TTN: variants seen among roughly 807,000 people sequenced by gnomAD.
TTN encodes the protein titin.
A neutral mutation model predicts 3,223.0 loss-of-function variants in TTN; 1,525 were observed. That is an observed-to-expected ratio of 0.47 (90% CI 0.45 to 0.49). The LOEUF is 0.49. TTN is among the 20% of genes least tolerant of loss of function. The probability of loss-of-function intolerance (pLI) is 0.00; values close to 1 mark genes in which losing one functional copy is unlikely to be tolerated. For synonymous variants in TTN, 14,094 were observed against 15,161.0 expected (o/e 0.93, Z 5.17); for missense variants, 40,786 against 43,424.0 (o/e 0.94, Z 5.40).
rs939920252 is a variant in TTN at position 178,526,667 on chromosome 2, A to C, written c.*345T>G. 5.4e-5 allele frequency: 10 copies of C among 184,060 alleles called. No homozygotes were observed. Among genetic ancestry groups the C allele is most frequent in the Non-Finnish European group, 2.3e-5 (2 of 87,608 alleles). The allele number at this position is 184,060 out of a possible 1,614,324, so 11.4% of individuals were successfully genotyped here. On this transcript the variant is annotated 3_prime_UTR_variant, in exon 363 of 363. Transcript: ENST00000589042. ...ACATCAACAGTATGTTGAGGCACAA[A>C]GATTGATTAAATGTTGAGCAGGGTA... is the stretch of plus-strand genomic sequence containing the variant.
intron 313 of TTN, 140 bp downstream of exon 313, chr2:178,582,800 G>C: frequency 1.1e-6 from 1 of 920,490 alleles, no homozygotes. Flanking sequence ...TCTAAAACGT[G>C]GTTCTGTCAT....
chr2:178,601,873 T>G lies in TTN; in HGVS notation c.55302+9A>C. 1 of 1,608,752 alleles carries G rather than the reference T, an allele frequency of 6.2e-7. No individual in the cohort carries two copies. The highest frequency in any genetic ancestry group is 8.5e-7 in the Non-Finnish European group (1 of 1,178,186). On this transcript the variant is annotated intron_variant, in intron 285 of 362. Coordinates refer to ENST00000589042, the MANE Select transcript of TTN (RefSeq NM_001267550.2). Reference sequence around the variant, plus strand: ...ATATTCTGAATTATTTTAATTATTATTTTTTTACCTGTGCATCTTCGGGTA... The same window carrying G: ...ATATTCTGAATTATTTTAATTATTAGTTTTTTACCTGTGCATCTTCGGGTA...
chr2:178,570,828 C>T lies in TTN; in HGVS notation c.75304G>A (p.Ala25102Thr). ...CGTGGTGGATCTACCTCATCTCTAG[C>T]TGTTATTGCTCCTGTGCTTTCTGAA... The part of the protein sequence containing the change: ...EPSESTGAIT[A>T]RDEVDPPRIS... The change falls in exon 326 of 363, where the codon GCT (alanine) becomes ACT (threonine). Residue 25102 changes from alanine (A) to threonine (T), a missense_variant. Ala to Thr is a moderately conservative substitution (Grantham distance 58, BLOSUM62 0). Transcript: ENST00000589042. The T allele has an allele frequency of 6.2e-7, 1 of 1,613,570 alleles. No homozygotes were observed. The highest frequency in any genetic ancestry group is 8.5e-7 in the Non-Finnish European group (1 of 1,179,624).
rs576976296 is a variant in TTN at position 178,573,348 on chromosome 2, G to A, written c.72784C>T (p.Arg24262Cys). The A allele has an allele frequency of 4.6e-6, 7 of 1,536,368 alleles. No individual in the cohort carries two copies. Among genetic ancestry groups the A allele is most frequent in the South Asian group, 1.3e-5 (1 of 76,928 alleles). The change falls in exon 326 of 363, where the codon CGT becomes TGT. Residue 24262 changes from arginine to cysteine, a missense_variant. By Grantham distance (180) the Arg-to-Cys change is radical. Coordinates refer to ENST00000589042, the MANE Select transcript of TTN (RefSeq NM_001267550.2). ...ATCCAGCGTTGGCCAGCTTTATCACGCCGTTCCACAATATAATTGATGATT... is the reference window on the plus strand; with the variant it reads ...ATCCAGCGTTGGCCAGCTTTATCACACCGTTCCACAATATAATTGATGATT... ...SEIINYIVER[R>C]DKAGQRWIKC... is the part of the protein sequence containing the mutation.
intron 10 of TTN, 150 bp from the exon 11 acceptor site, chr2:178,790,995 A>G (rs1316586874): frequency 1.3e-5 from 12 of 956,168 alleles, no homozygotes; most frequent in East Asian, 2.6e-5. Context: ...CTTGTGCTTA[A>G]TACATAGACT....
In TTN at chr2:178,607,742, A is replaced by C. The variant is rs752356363; in HGVS notation, c.53002+43T>G. 18 of 1,612,076 alleles carry C rather than the reference A, an allele frequency of 1.1e-5. No individual in the cohort carries two copies. The East Asian group carries it at 4.0e-4, about 36-fold the overall frequency. The stretch of plus-strand genomic sequence containing the variant: ...ATGAAAGATTAAAAAATAGTCCCAT[A>C]TAGAGAAAATATCCATAATTTTATT... On this transcript the variant is annotated intron_variant, in intron 276 of 362. Transcript: ENST00000589042.
Position 178,559,495 on chromosome 2 carries a change from A to T in TTN, c.86637T>A (p.Asn28879Lys), listed in dbSNP as rs1114167328. The T allele has an allele frequency of 6.2e-7, 1 of 1,613,746 alleles. No individual in the cohort carries two copies. The change falls in exon 326 of 363, where the codon AAT becomes AAA. Residue 28879 changes from asparagine to lysine, a missense_variant. By Grantham distance (94) the Asn-to-Lys change is moderately conservative (BLOSUM62 0). Coordinates refer to ENST00000589042, the MANE Select transcript of TTN (RefSeq NM_001267550.2). ...PENDGGAPVK[N>K]YHIEKREASK... ...TGGCCTCACGTTTTTCTATGTGGTA[A>T]TTCTTCACTGGTGCTCCACCATCGT... is the stretch of plus-strand genomic sequence containing the variant.
chr2:178,649,209 A>T, intron 213 of TTN, 39 bp downstream of exon 213: 3 of 1,383,806 alleles, frequency 2.2e-6, no homozygotes, highest in Non-Finnish European at 2.9e-6. Flanking sequence ...ATGCTTAAAT[A>T]GCAGTTAGAG....
Position 178,770,506 on chromosome 2 carries a change from G to A in TTN, c.8286C>T (p.Tyr2762=), listed in dbSNP as rs1574570125. Residue 2762 remains tyrosine, a synonymous_variant, in exon 35 of 363, where the codon TAC becomes TAT. Coordinates refer to ENST00000589042, the MANE Select transcript of TTN (RefSeq NM_001267550.2). The part of the protein sequence containing the change: ...KYAISVKGTI[Y]SLRIKNCAIV... ...TGGCACAGTTTTTAATCCTCAGAGA[G>A]TAAATTGTTCCTTTGACAGAGATAG... is the stretch of plus-strand genomic sequence containing the variant. 1 of 1,614,136 alleles carries A rather than the reference G, an allele frequency of 6.2e-7. No individual in the cohort carries two copies. Among genetic ancestry groups the A allele is most frequent in the African/African-American group, 1.3e-5 (1 of 75,042 alleles).
chr2:178,580,061 G>C lies in TTN; in HGVS notation c.67226C>G (p.Ser22409Cys). 1 of 1,613,254 alleles carries C rather than the reference G, an allele frequency of 6.2e-7. No individual in the cohort carries two copies. The highest frequency in any genetic ancestry group is 1.1e-5 in the South Asian group (1 of 91,056). The stretch of plus-strand genomic sequence containing the variant: ...ATTAGCTACTCTGAAGCTTGTTTTG[G>C]AGCACTCAGTTGTCACTGTAGACCA... The part of the protein sequence containing the change: ...KSWSTVTTEC[S>C]KTSFRVANLE... The change falls in exon 318 of 363, where the codon TCC (serine) becomes TGC (cysteine). Residue 22409 changes from serine (S) to cysteine (C), a missense_variant. Coordinates refer to ENST00000589042, the MANE Select transcript of TTN (RefSeq NM_001267550.2).
In TTN at chr2:178,589,236, G is replaced by T; in HGVS notation, c.62489C>A (p.Ser20830Tyr). The T allele has an allele frequency of 6.2e-7, 1 of 1,613,498 alleles. No homozygotes were observed. The highest frequency in any genetic ancestry group is 8.5e-7 in the Non-Finnish European group (1 of 1,179,608). The part of the protein sequence containing the change: ...IDTRADSSKF[S>Y]LTKAKRSDGG... ...ATCACTTCGCTTTGCTTTAGTAAGAGAAAATTTAGATGAATCAGCACGGGT... is the reference window on the plus strand; with the variant it reads ...ATCACTTCGCTTTGCTTTAGTAAGATAAAATTTAGATGAATCAGCACGGGT... The change falls in exon 304 of 363, where the codon TCT becomes TAT. Residue 20830 changes from serine (S) to tyrosine (Y), a missense_variant. Coordinates refer to ENST00000589042, the MANE Select transcript of TTN (RefSeq NM_001267550.2).
chr2:178,723,869 C>T lies in TTN; in HGVS notation c.21390G>A (p.Val7130=). The T allele has an allele frequency of 6.2e-7, 1 of 1,610,476 alleles. No homozygotes were observed. The highest frequency in any genetic ancestry group is 1.1e-5 in the South Asian group (1 of 90,580). ...NVAGSDECRA[V]LTVQEPPSFV... ...CTGTCTACTGACCTTGTACAGTTAGCACTGCACGACATTCATCAGACCCAG... is the reference window on the plus strand; with the variant it reads ...CTGTCTACTGACCTTGTACAGTTAGTACTGCACGACATTCATCAGACCCAG... The change falls in exon 73 of 363, where the codon GTG becomes GTA. Residue 7130 remains valine (V), a synonymous_variant. Transcript: ENST00000589042.
rs2047051742 is a variant in TTN, at chr2:178,578,849, C to T, written c.68181G>A (p.Gly22727=). The change falls in exon 320 of 363, where the codon GGG becomes GGA. Residue 22727 remains glycine, a synonymous_variant. Transcript: ENST00000589042. ...RVSAENKYGV[G]EGLKSEPIVA... ...CAATTGGCTCCGATTTCAGGCCTTC[C>T]CCTACACCATATTTATTTTCGGCAC... is the stretch of plus-strand genomic sequence containing the variant. 1 of 1,612,962 alleles carries T rather than the reference C, an allele frequency of 6.2e-7. No individual in the cohort carries two copies. Among genetic ancestry groups the T allele is most frequent in the Admixed American group, 1.7e-5 (1 of 59,956 alleles).
rs768372747 is a variant in TTN at position 178,701,588 on chromosome 2, C to T, written c.30539-1G>A. On this transcript the variant is annotated splice_acceptor_variant, in intron 109 of 362. Coordinates refer to ENST00000589042, the MANE Select transcript of TTN (RefSeq NM_001267550.2). LOFTEE classifies it high-confidence loss of function. The stretch of plus-strand genomic sequence containing the variant: ...ATTGGAACTCTGGAGTCAGGAATAT[C>T]TGGAAAGGGACATGTAATAAGCATA... 1 of 1,613,548 alleles carries T rather than the reference C, an allele frequency of 6.2e-7. No homozygotes were observed. Among genetic ancestry groups the T allele is most frequent in the Non-Finnish European group, 8.5e-7 (1 of 1,179,646 alleles).
chr2:178,760,552 T>C (rs766687232), intron 43 of TTN, among the ~76,000 whole-genome samples: 3 of 152,150 alleles, frequency 2.0e-5, no homozygotes, highest in Non-Finnish European at 4.4e-5. Context: ...ATCTTGACAC[T>C]ACAACTTGTC....
rs1005806802 is a variant in TTN, at chr2:178,713,670, T to C, written c.26761+227A>G. On this transcript the variant is annotated intron_variant, in intron 92 of 362. Transcript: ENST00000589042. ...CTGCTTTAACCTTATCCAGGGACTA[T>C]TTTTCATTCCTATCATCATTTTGGA... The C allele has an allele frequency of 4.1e-6, 3 of 728,314 alleles. No homozygotes were observed. The East Asian group carries it at 8.3e-5, about 20-fold the overall frequency. 45.1% of individuals were successfully genotyped at this position (728,314 alleles called of 1,614,324 possible). A position where few individuals can be genotyped will look rare whatever the true frequency, so the allele number is the denominator to read the frequency against.
In TTN at chr2:178,559,441, G is replaced by T. The variant is rs756448014; in HGVS notation, c.86691C>A (p.Asn28897Lys). 3.1e-6 allele frequency: 5 copies of T among 1,613,690 alleles called. No homozygotes were observed. Among genetic ancestry groups the T allele is most frequent in the Non-Finnish European group, 4.2e-6 (5 of 1,179,718 alleles). ...CTTTGTAGGAGAGGCGGTTACAGTT[G>T]TTGGTCACAGAGACCCATGCTTTCT... Reference protein sequence around the residue: ...ASKKAWVSVTNNCNRLSYKVT... With the variant: ...ASKKAWVSVTKNCNRLSYKVT... The change falls in exon 326 of 363, where the codon AAC becomes AAA. Residue 28897 changes from asparagine (N) to lysine (K), a missense_variant. Coordinates refer to ENST00000589042, the MANE Select transcript of TTN (RefSeq NM_001267550.2).
In TTN at chr2:178,530,786, C is replaced by CA; in HGVS notation, c.105828_105829insT (p.Val35277CysfsTer22). The CA allele has an allele frequency of 1.2e-6, 2 of 1,613,788 alleles. No homozygotes were observed. Among genetic ancestry groups the CA allele is most frequent in the Non-Finnish European group, 1.7e-6 (2 of 1,179,860 alleles). ...GGGGCAGAGACTGGGAGGTGCTGAA[C>CA]TTTCTCTGTTGGTGTTGGTTTTGTC... On this transcript the variant is annotated frameshift_variant, in exon 358 of 363. Transcript: ENST00000589042. LOFTEE classifies it high-confidence loss of function.
At position 178,777,313 on chromosome 2, in the gene TTN, C is replaced by T. The variant is rs915170239; in HGVS notation, c.4650G>A (p.Val1550=). 19 of 1,613,652 alleles carry T rather than the reference C, an allele frequency of 1.2e-5. No homozygotes were observed. The highest frequency in any genetic ancestry group is 8.8e-5 in the South Asian group (8 of 91,078). The stretch of plus-strand genomic sequence containing the variant: ...CAAACATCGGTTTTACCTGATGTTC[C>T]ACAGCTGAAAGAGAAAGGTCATGAT... ...SISVILTVEA[V]EHQVKPMFVE... Residue 1550 remains valine (V), a synonymous_variant, in exon 27 of 363, where the codon GTG becomes GTA. Transcript: ENST00000589042.
Sources: gnomAD v4.1 joint callset for allele counts (sites outside exome capture counted in the v4.1 genomes callset) on GRCh38, gnomAD v4.1.1 for gene constraint, MANE v1.5 for transcripts, NCBI Gene and HGNC (gene_info 2026-07-23, HGNC 2026-07-21) for gene names.